The following CDH18 variants were observed in gnomAD, a reference collection of about 807,000 sequenced individuals.
The protein encoded by CDH18 is cadherin 18, also known as cadherin-18.
CDH18 carries 31 observed loss-of-function variants against 67.9 expected under a neutral mutation model. The ratio of observed to expected loss-of-function variants is 0.46; its 90% CI spans 0.34 to 0.62. CDH18 has a LOEUF of 0.62. CDH18 is among the 20% of genes least tolerant of loss of function. The probability of loss-of-function intolerance (pLI) is 0.01; values close to 1 mark genes in which losing one functional copy is unlikely to be tolerated. For synonymous variants in CDH18, 362 were observed against 347.2 expected, an observed-to-expected ratio of 1.04 and a Z score of -0.48; for missense variants, 890 against 975.5, an observed-to-expected ratio of 0.91 and a Z score of 1.17.
intron 5 of CDH18, among the ~76,000 whole-genome samples, chr5:19,618,772 T>C (rs1171202058): frequency 1.3e-5 from 2 of 152,162 alleles, no homozygotes; most frequent in African/African-American, 2.4e-5. Context: ...ATTTGAAATA[T>C]CTATCTATTT....
At position 20,386,761 on chromosome 5, in the gene CDH18, T is replaced by A. The variant is rs1744344405; in HGVS notation, c.-579-131256A>T. 2.6e-5 allele frequency among the ~76,000 whole-genome samples: 4 copies of A among 152,130 alleles called. No individual in the cohort carries two copies. In the South Asian group the frequency reaches 8.3e-4, roughly 31 times the overall value. ...AAACTCATATGAGTCTTCTTTTCATTTTGATATTTTGTACATTGCTGAAAG... is the reference window on the plus strand; with the variant it reads ...AAACTCATATGAGTCTTCTTTTCATATTGATATTTTGTACATTGCTGAAAG... On this transcript the variant is annotated intron_variant, in intron 1 of 14. Coordinates refer to the CDH18 transcript ENST00000507958.
intron 2 of CDH18, among the ~76,000 whole-genome samples, chr5:19,968,436 C>A (rs1293956464): frequency 4.6e-5 from 7 of 152,130 alleles, no homozygotes; most frequent in Admixed American, 3.3e-4. Flanking sequence ...TACCTGACTT[C>A]AAACTATACT....
intron 2 of CDH18, among the ~76,000 whole-genome samples, chr5:20,079,502 T>C (rs975248891): frequency 3.3e-5 from 5 of 152,348 alleles, no homozygotes; most frequent in Admixed American, 1.3e-4. Context: ...CTATTTTGAA[T>C]AGTGCTGCAG....
intron 2 of CDH18, among the ~76,000 whole-genome samples, chr5:20,207,907 T>C (rs1233676198): frequency 6.6e-6 from 1 of 152,068 alleles, no homozygotes; most frequent in Non-Finnish European, 1.5e-5. Flanking sequence ...ACTACCTGAC[T>C]TCAAAATATA....
intron 5 of CDH18, among the ~76,000 whole-genome samples, chr5:19,706,919 T>C (rs1412617323): frequency 2.0e-5 from 3 of 152,112 alleles, no homozygotes; most frequent in Non-Finnish European, 4.4e-5. Context: ...TGAGCCTGCC[T>C]AAAGGCCAGA....
intron 2 of CDH18, among the ~76,000 whole-genome samples, chr5:20,241,783 C>T (rs1307679637): frequency 4.7e-5 from 7 of 150,076 alleles, no homozygotes; most frequent in Admixed American, 2.7e-4. Flanking sequence ...ACCCGGAAGG[C>T]GGGGCTTGCA....
intron 4 of CDH18, among the ~76,000 whole-genome samples, chr5:19,722,755 AAAAATTC>A (rs1766274134): frequency 6.6e-6 from 1 of 152,102 alleles, no homozygotes; most frequent in Non-Finnish European, 1.5e-5. Flanking sequence ...ACATCACTAG[AAAAATTC>A]TACCTACTAA....
upstream of CDH18, among the ~76,000 whole-genome samples, chr5:19,992,737 A>G (rs1293281096): frequency 2.7e-5 from 4 of 148,410 alleles, no homozygotes; most frequent in Non-Finnish European, 5.9e-5. Flanking sequence ...TATTCCGGAC[A>G]TGCAAGACTG....
chr5:20,180,104 C>T (rs374128097), intron 2 of CDH18, among the ~76,000 whole-genome samples: 250 of 152,238 alleles, frequency 1.6e-3, no homozygotes, highest in African/African-American at 5.8e-3. Flanking sequence ...TGATGTGATT[C>T]CCCCTGCAGA....
chr5:20,533,584 A>G (rs1039704378), intron 1 of CDH18, among the ~76,000 whole-genome samples: 1 of 152,140 alleles, frequency 6.6e-6, no homozygotes, highest in Non-Finnish European at 1.5e-5. Flanking sequence ...TACTTCATTG[A>G]AGCAAAGTTC....
chr5:19,493,145 C>T lies in CDH18; in HGVS notation c.1631-9593G>A, dbSNP rs190219650. 2.4e-3 allele frequency among the ~76,000 whole-genome samples: 361 copies of T among 152,270 alleles called. 1 individual carries two copies. The highest frequency in any genetic ancestry group is 4.1e-3 in the Non-Finnish European group (277 of 68,006). The stretch of plus-strand genomic sequence containing the variant: ...TCTATCCTTAAAGTCAAACCATGTT[C>T]TACCACTTTTAACAATACAATTTGT... On this transcript the variant is annotated intron_variant, in intron 11 of 12. Transcript: ENST00000382275.
rs963751053 is a variant in CDH18 at position 19,623,756 on chromosome 5, TA to T, written c.644-11156del. Among the ~76,000 whole-genome samples, 30 of 151,534 alleles carry T rather than the reference TA, an allele frequency of 2.0e-4. 1 individual carries two copies. The highest frequency in any genetic ancestry group is 1.6e-3 in the Admixed American group (25 of 15,206). On this transcript the variant is annotated intron_variant, in intron 5 of 12. Transcript: ENST00000382275. ...AACTATATTTAGAGTCATATAATTT[TA>T]AATATATTAAAACACTACTATATAA... is the stretch of plus-strand genomic sequence containing the variant.
At chr5:20,080,131 C>A (rs929782778) in intron 2 of CDH18, among the ~76,000 whole-genome samples, 17 of 152,196 alleles carry the variant, frequency 1.1e-4, no homozygotes, top group African/African-American at 4.1e-4. Context: ...TTTATGTATG[C>A]TATCTTATTA....
chr5:20,413,389 T>A (rs1374396007), intron 1 of CDH18, among the ~76,000 whole-genome samples: 1 of 152,222 alleles, frequency 6.6e-6, no homozygotes, highest in African/African-American at 2.4e-5. Flanking sequence ...ATTACCACAC[T>A]GTCTTCCACA....
intron 1 of CDH18, among the ~76,000 whole-genome samples, chr5:20,384,182 C>T (rs975428106): frequency 2.6e-5 from 4 of 152,160 alleles, no homozygotes. Flanking sequence ...CAAAATGTTG[C>T]ATGACAGACC....
chr5:20,355,305 A>G (rs1414921246), intron 1 of CDH18, among the ~76,000 whole-genome samples: 1 of 152,214 alleles, frequency 6.6e-6, no homozygotes, highest in African/African-American at 2.4e-5. Flanking sequence ...CATGAAAGCA[A>G]CCACATGCCC....
At chr5:20,330,630 T>G (rs185523148) in intron 1 of CDH18, among the ~76,000 whole-genome samples, 141 of 152,294 alleles carry the variant, frequency 9.3e-4, no homozygotes, top group African/African-American at 3.2e-3. Flanking sequence ...CAAGTGAGCA[T>G]GCTTAGAACC....
intron 1 of CDH18, among the ~76,000 whole-genome samples, chr5:20,508,974 TA>T (rs1239260832): frequency 6.6e-6 from 1 of 152,186 alleles, no homozygotes; most frequent in Non-Finnish European, 1.5e-5. Context: ...AATTGACAAT[TA>T]AAAATTGTAC....
At chr5:19,571,912 A>AT (rs1741488525) in intron 7 of CDH18, 80 bp from the exon 8 acceptor site, 1 of 1,126,434 alleles carries the variant, frequency 8.9e-7, no homozygotes, top group African/African-American at 1.6e-5. Context: ...AATATGCATT[A>AT]TTTTTTCCTT....
Sources: gnomAD v4.1 joint callset for allele counts (sites outside exome capture counted in the v4.1 genomes callset) on GRCh38, gnomAD v4.1.1 for gene constraint, MANE v1.5 for transcripts, NCBI Gene and HGNC (gene_info 2026-07-23, HGNC 2026-07-21) for gene names.